LRRC9: variants seen among roughly 807,000 people sequenced by gnomAD.
The protein encoded by LRRC9 is leucine-rich repeat-containing protein 9.
A neutral mutation model predicts 63.2 loss-of-function variants in LRRC9; 122 were observed. That is an observed-to-expected ratio of 1.93 (90% CI 1.67 to 2.24). The LOEUF is 2.24. Ranked by LOEUF, LRRC9 falls within the 30% of genes most tolerant of loss-of-function variation. The pLI is 0.00. For missense variants in LRRC9, 1,071 were observed against 627.7 expected, an observed-to-expected ratio of 1.71 and a Z score of -7.55; for synonymous variants, 366 against 213.1, an observed-to-expected ratio of 1.72 and a Z score of -6.25.
chr14:60,030,830 TA>T (rs202235311), intron 28 of LRRC9, among the ~76,000 whole-genome samples: 6 of 151,050 alleles, frequency 4.0e-5, no homozygotes, highest in East Asian at 1.9e-4. Flanking sequence ...CACACTACTG[TA>T]AAAAAAAATG....
chr14:59,963,148 T>A (rs1429024887), intron 10 of LRRC9, among the ~76,000 whole-genome samples: 1 of 152,202 alleles, frequency 6.6e-6, no homozygotes, highest in Non-Finnish European at 1.5e-5. Context: ...ATAAAAAGTA[T>A]TTCAGTAGAA....
chr14:59,958,690 G>C lies in LRRC9; in HGVS notation c.883-1128G>C, dbSNP rs1028369961. On this transcript the variant is annotated intron_variant, in intron 8 of 31. Coordinates refer to ENST00000445360, the Ensembl canonical transcript of LRRC9. This position sits in a 1 kb window ranked among gnomAD's most constrained non-coding sequence, Gnocchi z 4.0. ...TGCGGTACGAAAAAATACTCCTGCAGCTAGCTCAGTGTCTGCCCAAACAGC... is the reference window on the plus strand; with the variant it reads ...TGCGGTACGAAAAAATACTCCTGCACCTAGCTCAGTGTCTGCCCAAACAGC... 1.3e-5 allele frequency among the ~76,000 whole-genome samples: 2 copies of C among 152,236 alleles called. No homozygotes were observed. The highest frequency in any genetic ancestry group is 4.8e-5 in the African/African-American group (2 of 41,468).
Position 59,939,083 on chromosome 14 carries a change from A to G in LRRC9, c.726+511A>G, listed in dbSNP as rs1478258282. On this transcript the variant is annotated intron_variant, in intron 7 of 31. Transcript: ENST00000445360. The stretch of plus-strand genomic sequence containing the variant: ...TATATACGTATATACACATATATAC[A>G]CATATATACATATATATACACACAT... Among the ~76,000 whole-genome samples, 4 of 147,582 alleles carry G rather than the reference A, an allele frequency of 2.7e-5. No homozygotes were observed. In the East Asian group the frequency reaches 7.8e-4, roughly 29 times the overall value.
chr14:60,022,489 G>A (rs1299181521), intron 26 of LRRC9, among the ~76,000 whole-genome samples: 1 of 151,394 alleles, frequency 6.6e-6, no homozygotes, highest in Non-Finnish European at 1.5e-5. Context: ...TTTCTTGCCT[G>A]ATTGCATTTT....
At chr14:60,050,622 GT>G (rs1893813947) in intron 29 of LRRC9, among the ~76,000 whole-genome samples, 1 of 152,162 alleles carries the variant, frequency 6.6e-6, no homozygotes, top group Non-Finnish European at 1.5e-5. Flanking sequence ...GTTATTTGGT[GT>G]TGTGGTCATT....
Position 59,953,563 on chromosome 14 carries a change from C to A in LRRC9, c.883-6255C>A, listed in dbSNP as rs572153363. Among the ~76,000 whole-genome samples the A allele has an allele frequency of 3.3e-5, 5 of 152,162 alleles. No homozygotes were observed. In the South Asian group the frequency reaches 1.0e-3, roughly 32 times the overall value. ...TCCTTTAAGATTCTAGGTATTAGAC[C>A]TCTGTCAGATGGGTATCTTGCAAAA... On this transcript the variant is annotated intron_variant, in intron 8 of 31. Coordinates refer to ENST00000445360, the Ensembl canonical transcript of LRRC9.
intron 8 of LRRC9, among the ~76,000 whole-genome samples, chr14:59,957,585 G>A (rs1171150619): frequency 2.0e-5 from 3 of 152,008 alleles, no homozygotes; most frequent in Non-Finnish European, 2.9e-5. Flanking sequence ...TGCTCCTTTA[G>A]CTCTGAGGAG....
intron 23 of LRRC9, among the ~76,000 whole-genome samples, chr14:60,011,775 G>C (rs1890277208): frequency 6.6e-6 from 1 of 152,196 alleles, no homozygotes; most frequent in Non-Finnish European, 1.5e-5. Flanking sequence ...CAAGGCTTGA[G>C]TCTATGCCAA....
chr14:60,041,267 G>A (rs1290068047), intron 29 of LRRC9, among the ~76,000 whole-genome samples: 8 of 151,962 alleles, frequency 5.3e-5, no homozygotes, highest in South Asian at 2.1e-4. Context: ...GAGTATCTTC[G>A]TGGCATTCTC....
chr14:60,028,847 T>C (rs1455935346), intron 28 of LRRC9, among the ~76,000 whole-genome samples: 1 of 152,148 alleles, frequency 6.6e-6, no homozygotes, highest in African/African-American at 2.4e-5. Flanking sequence ...TTTCTATCAG[T>C]ATATAGCATA....
At chr14:60,041,260 T>G (rs1171519628) in intron 29 of LRRC9, among the ~76,000 whole-genome samples, 1 of 152,126 alleles carries the variant, frequency 6.6e-6, no homozygotes, top group Non-Finnish European at 1.5e-5. Flanking sequence ...TCTTGAGGAG[T>G]ATCTTCGTGG....
chr14:60,010,143 A>C (rs1158656862), intron 23 of LRRC9, among the ~76,000 whole-genome samples: 1 of 151,902 alleles, frequency 6.6e-6, no homozygotes, highest in Non-Finnish European at 1.5e-5. Context: ...CCCAGTGGGG[A>C]CTCTGTGTGG....
In LRRC9 at chr14:59,966,627, G is replaced by A. The variant is rs1884884899; in HGVS notation, c.1250G>A (p.Cys417Tyr). Residue 417 changes from cysteine to tyrosine, a missense_variant, in exon 11 of 32, where the codon TGT becomes TAT. Coordinates refer to ENST00000445360, the Ensembl canonical transcript of LRRC9. The surrounding 1 kb of genome is among the most constrained non-coding windows in gnomAD (Gnocchi z 4.0). ...TATGAATTAATTCTGTCACGTTTTT[G>A]TGCCTGGGACTTCAGAACATACGGT... The A allele has an allele frequency of 4.3e-6, 3 of 690,122 alleles. No homozygotes were observed. The highest frequency in any genetic ancestry group is 7.9e-6 in the Non-Finnish European group (3 of 378,492). The allele number at this position is 690,122 out of a possible 1,614,324, so 42.7% of individuals were successfully genotyped here.
intron 8 of LRRC9, among the ~76,000 whole-genome samples, chr14:59,953,812 T>C (rs1402352623): frequency 6.6e-6 from 1 of 152,232 alleles, no homozygotes; most frequent in Non-Finnish European, 1.5e-5. Flanking sequence ...TTTAAGTCTT[T>C]GATTCATCTT....
At chr14:60,062,518 GA>G (rs1894717631) in intron 31 of LRRC9, among the ~76,000 whole-genome samples, 1 of 152,182 alleles carries the variant, frequency 6.6e-6, no homozygotes, top group Admixed American at 6.5e-5. Context: ...TCTACTCACT[GA>G]ATTTGCAAAG....
At position 60,028,113 on chromosome 14, in the gene LRRC9, A is replaced by T. The variant is rs932528761; in HGVS notation, c.3921+12A>T. On this transcript the variant is annotated intron_variant, in intron 28 of 31. Transcript: ENST00000445360. Reference sequence around the variant, plus strand: ...ATAATAAAATCCAGGTAACATTATTATTTTTTTATTATGGGATTTACAAGC... The same window carrying T: ...ATAATAAAATCCAGGTAACATTATTTTTTTTTTATTATGGGATTTACAAGC... The T allele has an allele frequency of 5.9e-6, 4 of 680,612 alleles. No homozygotes were observed. Among genetic ancestry groups the T allele is most frequent in the Non-Finnish European group, 1.1e-5 (4 of 377,208 alleles). 42.2% of individuals were successfully genotyped at this position (680,612 alleles called of 1,614,324 possible).
intron 29 of LRRC9, among the ~76,000 whole-genome samples, chr14:60,033,858 TCTCTAGAA>T: frequency 6.6e-6 from 1 of 152,176 alleles, no homozygotes; most frequent in South Asian, 2.1e-4. Context: ...TTAAACCTTA[TCTCTAGAA>T]CTCTGGGCTT....
chr14:60,043,450 T>C (rs150196884), intron 29 of LRRC9, among the ~76,000 whole-genome samples: 53 of 152,364 alleles, frequency 3.5e-4, no homozygotes, highest in Non-Finnish European at 6.3e-4. Context: ...TTGGCCTTTA[T>C]TATCTTGAGG....
chr14:59,954,734 TACA>T (rs1883546409), intron 8 of LRRC9, among the ~76,000 whole-genome samples: 1 of 151,156 alleles, frequency 6.6e-6, no homozygotes, highest in Admixed American at 6.6e-5. Context: ...CCTTATCTTC[TACA>T]ACACTTCCAG....
Sources: allele counts gnomAD v4.1 joint callset (sites outside exome capture counted in the v4.1 genomes callset), GRCh38; gene constraint gnomAD v4.1.1; non-coding constraint Gnocchi (gnomAD v3.1); transcripts MANE v1.5; gene names NCBI Gene and HGNC (gene_info 2026-07-23, HGNC 2026-07-21).